The following IFNLR1 variants were observed in gnomAD, a reference collection of about 807,000 sequenced individuals.
IFNLR1 encodes the protein interferon lambda receptor 1.
IFNLR1 carries 28 observed loss-of-function variants against 52.5 expected under a neutral mutation model. The ratio of observed to expected loss-of-function variants is 0.53; its 90% CI spans 0.40 to 0.73. The LOEUF is 0.73. Ranked by LOEUF, IFNLR1 falls within the 30% of genes least tolerant of loss-of-function variation. IFNLR1 has a pLI of 0.00. For synonymous variants in IFNLR1, 276 were observed against 274.9 expected (o/e 1.00, Z -0.04); for missense variants, 623 against 659.1 (o/e 0.95, Z 0.60).
intron 2 of IFNLR1, among the ~76,000 whole-genome samples, chr1:24,175,882 C>T (rs1053260092): frequency 6.0e-5 from 9 of 149,328 alleles, no homozygotes; most frequent in Non-Finnish European, 1.2e-4. Context: ...TGCAGTGAGC[C>T]GAGATCACAC....
chr1:24,159,726 G>GTTTTTTTTTTTTTTGTTTT, intron 4 of IFNLR1, 93 bp from the exon 5 acceptor site: 18 of 761,896 alleles, frequency 2.4e-5, no homozygotes, highest in South Asian at 1.0e-4. Flanking sequence ...ATGGTAGGGT[G>GTTTTTTTTTTTTTTGTTTT]TTTTTTTTTT....
At chr1:24,180,669 C>CCCGG in intron 2 of IFNLR1, 62 bp downstream of exon 2, 1 of 1,256,248 alleles carries the variant, frequency 8.0e-7, no homozygotes, top group Non-Finnish European at 1.1e-6. Flanking sequence ...CCAGAGAAGC[C>CCCGG]CCTCCAGCCC....
rs1557644060 is a variant in IFNLR1 at position 24,162,803 on chromosome 1, T to TTC, written c.368-1120_368-1119insGA. Among the ~76,000 whole-genome samples the TTC allele has an allele frequency of 9.5e-4, 75 of 79,094 alleles. 8 individuals carry two copies. Among genetic ancestry groups the TTC allele is most frequent in the Middle Eastern group, 5.6e-3 (1 of 178 alleles). 51.9% of individuals were successfully genotyped at this position (79,094 alleles called of 152,430 possible). On this transcript the variant is annotated intron_variant, in intron 3 of 6. Transcript: ENST00000327535. ...TTTTCTTTCTTTTTCTTTCTTTCTT[T>TTC]TTTCTTTCTTTTTTTCTTCTTTCTT...
At chr1:24,186,311 G>C (rs1644737856) in intron 1 of IFNLR1, among the ~76,000 whole-genome samples, 1 of 152,118 alleles carries the variant, frequency 6.6e-6, no homozygotes, top group African/African-American at 2.4e-5. Flanking sequence ...CCTCACCTCT[G>C]CCATCCTTCT....
At chr1:24,158,645 A>G (rs941041573) in intron 6 of IFNLR1, among the ~76,000 whole-genome samples, 1 of 152,072 alleles carries the variant, frequency 6.6e-6, no homozygotes, top group Non-Finnish European at 1.5e-5. Flanking sequence ...CAGGGAAGAA[A>G]CTCCAAGGTC....
chr1:24,157,760 T>G lies in IFNLR1; in HGVS notation c.933A>C (p.Pro311=). 6.2e-7 allele frequency: 1 copy of G among 1,614,214 alleles called. No individual in the cohort carries two copies. The highest frequency in any genetic ancestry group is 8.5e-7 in the Non-Finnish European group (1 of 1,180,036). The change falls in exon 7 of 7, where the codon CCA becomes CCC. Residue 311 remains proline, a synonymous_variant. Coordinates refer to ENST00000327535, the MANE Select transcript of IFNLR1 (RefSeq NM_170743.4). This position sits in a 1 kb window ranked among gnomAD's most constrained non-coding sequence, Gnocchi z 5.1. ...GVRPTPRVRA[P]ATQQTRWKKD... is the part of the protein sequence containing the mutation. ...TCTTCCATCTTGTCTGTTGGGTGGC[T>G]GGGGCCCTGACTCGAGGCGTCGGCC...
intron 2 of IFNLR1, among the ~76,000 whole-genome samples, chr1:24,172,983 A>T (rs576009570): frequency 6.6e-6 from 1 of 152,206 alleles, no homozygotes; most frequent in South Asian, 2.1e-4. Context: ...ATCTCATTTT[A>T]CTTTAATTAC....
rs1557643892 is a variant in IFNLR1, at chr1:24,162,772, CTTTCTTT to C, written c.368-1095_368-1089del. Among the ~76,000 whole-genome samples the C allele has an allele frequency of 6.0e-3, 270 of 45,066 alleles. 18 individuals are homozygous for C. The highest frequency in any genetic ancestry group is 0.032 in the Middle Eastern group (4 of 124). The allele number at this position is 45,066 out of a possible 152,430, so 29.6% of individuals were successfully genotyped here. On this transcript the variant is annotated intron_variant, in intron 3 of 6. Coordinates refer to ENST00000327535, the MANE Select transcript of IFNLR1 (RefSeq NM_170743.4). ...TCTTTCTTTCTTTCTTTCTTTCTTT[CTTTCTTT>C]TTCTTTCTTTTTCTTTCTTTCTTTT... is the stretch of plus-strand genomic sequence containing the variant.
Position 24,154,483 on chromosome 1 carries a change from C to G in IFNLR1, c.*2647G>C, listed in dbSNP as rs1644359168. ...CAAATTATTATACTGATTATCATGCCCTTTCCAAATGCTTCTCCTGGCTTT... is the reference window on the plus strand; with the variant it reads ...CAAATTATTATACTGATTATCATGCGCTTTCCAAATGCTTCTCCTGGCTTT... On this transcript the variant is annotated 3_prime_UTR_variant, in exon 7 of 7. Transcript: ENST00000327535. 6.6e-6 allele frequency: 1 copy of G among 152,152 alleles called. No individual in the cohort carries two copies. The highest frequency in any genetic ancestry group is 1.5e-5 in the Non-Finnish European group (1 of 68,034). 9.4% of individuals were successfully genotyped at this position (152,152 alleles called of 1,614,324 possible).
At chr1:24,159,726 G>GTTTTTTTTTTTTTTTTTT in intron 4 of IFNLR1, 93 bp from the exon 5 acceptor site, 5 of 761,900 alleles carry the variant, frequency 6.6e-6, no homozygotes, top group South Asian at 2.1e-5. Context: ...ATGGTAGGGT[G>GTTTTTTTTTTTTTTTTTT]TTTTTTTTTT....
intron 1 of IFNLR1, among the ~76,000 whole-genome samples, chr1:24,181,229 A>G (rs994121210): frequency 6.6e-6 from 1 of 152,208 alleles, no homozygotes; most frequent in Non-Finnish European, 1.5e-5. Flanking sequence ...TGTTGAGTAA[A>G]TGAATGAATA....
chr1:24,185,545 G>A lies in IFNLR1; in HGVS notation c.58+1646C>T, dbSNP rs141172227. 2.4e-4 allele frequency among the ~76,000 whole-genome samples: 36 copies of A among 152,304 alleles called. 1 individual carries two copies. The East Asian group carries it at 6.6e-3, about 28-fold the overall frequency. ...TCTGTGGATGGCTGTCCCCAGCCTC[G>A]GCTGCCTACCCATCACCTTCTAGAC... On this transcript the variant is annotated intron_variant, in intron 1 of 6. Coordinates refer to ENST00000327535, the MANE Select transcript of IFNLR1 (RefSeq NM_170743.4).
Position 24,187,173 on chromosome 1 carries a change from GC to G in IFNLR1, c.58+17del. On this transcript the variant is annotated intron_variant, in intron 1 of 6. Coordinates refer to ENST00000327535, the MANE Select transcript of IFNLR1 (RefSeq NM_170743.4). ...GGGAGCCCTCTTCCCCCTCCCTCCCGCGGCCCCGCGCCCTTACCTGGAGCGG... is the reference window on the plus strand; with the variant it reads ...GGGAGCCCTCTTCCCCCTCCCTCCCGGGCCCCGCGCCCTTACCTGGAGCGG... The G allele has an allele frequency of 7.4e-7, 1 of 1,358,170 alleles. No individual in the cohort carries two copies. Among genetic ancestry groups the G allele is most frequent in the Non-Finnish European group, 9.5e-7 (1 of 1,050,566 alleles). 84.1% of individuals were successfully genotyped at this position (1,358,170 alleles called of 1,614,324 possible). A position where few individuals can be genotyped will look rare whatever the true frequency, so the allele number is the denominator to read the frequency against.
chr1:24,169,476 A>G lies in IFNLR1; in HGVS notation c.308T>C (p.Val103Ala), dbSNP rs775241915. The G allele has an allele frequency of 5.6e-6, 9 of 1,614,198 alleles. No individual in the cohort carries two copies. The highest frequency in any genetic ancestry group is 4.4e-5 in the South Asian group (4 of 91,080). The change falls in exon 3 of 7, where the codon GTT becomes GCT. Residue 103 changes from valine (V) to alanine (A), a missense_variant. Val to Ala is a moderately conservative substitution (Grantham distance 64). Transcript: ENST00000327535. ...YNKFKGRVRTVSPSSKSPWVE... is the reference protein window; with the variant it reads ...YNKFKGRVRTASPSSKSPWVE... ...CCAGGGGGACTTGGAGCTGGGAGAA[A>G]CCGTCCGCACGCGTCCCTTGAACTT...
At position 24,157,039 on chromosome 1, in the gene IFNLR1, A is replaced by T. The variant is rs1425988576; in HGVS notation, c.*91T>A. ...GCAATGCCCCTCCGCCGCCCAGGGG[A>T]GGTACGGAGGCTCTTGAGTTTCTTG... On this transcript the variant is annotated 3_prime_UTR_variant, in exon 7 of 7. Transcript: ENST00000327535. This position sits in a 1 kb window ranked among gnomAD's most constrained non-coding sequence, Gnocchi z 5.1. 1 of 1,412,244 alleles carries T rather than the reference A, an allele frequency of 7.1e-7. No individual in the cohort carries two copies. The highest frequency in any genetic ancestry group is 1.4e-5 in the African/African-American group (1 of 69,490). The allele number at this position is 1,412,244 out of a possible 1,614,324, so 87.5% of individuals were successfully genotyped here.
At chr1:24,168,505 G>A (rs1267486058) in intron 3 of IFNLR1, among the ~76,000 whole-genome samples, 1 of 151,972 alleles carries the variant, frequency 6.6e-6, no homozygotes, top group Non-Finnish European at 1.5e-5. Context: ...CTGGTTACTA[G>A]CGGTATCAAG....
chr1:24,165,276 C>T (rs1644506951), intron 3 of IFNLR1, among the ~76,000 whole-genome samples: 3 of 152,320 alleles, frequency 2.0e-5, no homozygotes, highest in South Asian at 4.2e-4. Context: ...AGCTCTGTGT[C>T]CCATATGACT....
In IFNLR1 at chr1:24,159,652, G is replaced by C; in HGVS notation, c.511-19C>G. On this transcript the variant is annotated intron_variant, in intron 4 of 6. Transcript: ENST00000327535. ...ATAGGGTCTGTTTGGAAAAGAAGCA[G>C]AGAGTGGCAGAGCTGCTGTGGGGAC... is the stretch of plus-strand genomic sequence containing the variant. 1 of 1,613,106 alleles carries C rather than the reference G, an allele frequency of 6.2e-7. No individual in the cohort carries two copies.
chr1:24,182,470 G>GT (rs1377569070), intron 1 of IFNLR1, among the ~76,000 whole-genome samples: 5 of 152,122 alleles, frequency 3.3e-5, no homozygotes, highest in Admixed American at 2.6e-4. Context: ...TGTGAATGCA[G>GT]TTTTTTTCCT....
Sources: gnomAD v4.1 joint callset for allele counts (sites outside exome capture counted in the v4.1 genomes callset) on GRCh38, gnomAD v4.1.1 for gene constraint, Gnocchi (gnomAD v3.1) non-coding constraint, MANE v1.5 for transcripts, NCBI Gene and HGNC (gene_info 2026-07-23, HGNC 2026-07-21) for gene names.